The following OLA1 variants were observed in gnomAD, a reference collection of about 807,000 sequenced individuals.
OLA1 encodes obg-like ATPase 1.
OLA1 carries 14 observed loss-of-function variants against 48.4 expected under a neutral mutation model. The ratio of observed to expected loss-of-function variants is 0.29; its 90% CI spans 0.19 to 0.45. The LOEUF (loss-of-function observed/expected upper bound fraction) is 0.45. Among genes scored for constraint, OLA1 ranks in the 20% least tolerant of loss-of-function variants. The pLI, the probability that OLA1 is intolerant of heterozygous loss-of-function variation, is 1.00. For missense variants in OLA1, 325 were observed against 467.1 expected (o/e 0.70, Z 2.80); for synonymous variants, 127 against 150.4 (o/e 0.84, Z 1.14).
At chr2:174,238,783 C>CA (rs1688925771) in intron 2 of OLA1, among the ~76,000 whole-genome samples, 1 of 151,972 alleles carries the variant, frequency 6.6e-6, no homozygotes, top group African/African-American at 2.4e-5. Context: ...CTGAAGCAGA[C>CA]AGAGTACAAA....
intron 4 of OLA1, among the ~76,000 whole-genome samples, chr2:174,150,834 A>G (rs1686728197): frequency 6.6e-6 from 1 of 152,256 alleles, no homozygotes; most frequent in Non-Finnish European, 1.5e-5. Context: ...AAGGGAGAGC[A>G]ATATTCACTA....
intron 4 of OLA1, among the ~76,000 whole-genome samples, chr2:174,164,689 C>A (rs997216085): frequency 3.9e-5 from 6 of 152,116 alleles, no homozygotes; most frequent in African/African-American, 1.4e-4. Context: ...ATAACAATTT[C>A]AAGTTTATCA....
chr2:174,112,160 C>A (rs1476853021), intron 7 of OLA1, among the ~76,000 whole-genome samples: 2 of 152,122 alleles, frequency 1.3e-5, no homozygotes, highest in East Asian at 1.9e-4. Flanking sequence ...ATTTCTCAGG[C>A]CTTGTCTACC....
intron 5 of OLA1, among the ~76,000 whole-genome samples, chr2:174,130,740 G>GA (rs1686161636): frequency 6.6e-6 from 1 of 152,176 alleles, no homozygotes; most frequent in East Asian, 1.9e-4. Flanking sequence ...TAGAGTCATA[G>GA]AAAAAACACA....
intron 7 of OLA1, among the ~76,000 whole-genome samples, chr2:174,111,606 C>T (rs543512986): frequency 2.0e-4 from 31 of 152,234 alleles, no homozygotes; most frequent in East Asian, 1.3e-3. Context: ...TATACATATA[C>T]GTATACAATG....
chr2:174,170,232 C>G (rs1228752380), intron 4 of OLA1, among the ~76,000 whole-genome samples: 2 of 150,092 alleles, frequency 1.3e-5, no homozygotes, highest in East Asian at 1.9e-4. Context: ...GACTCCGTCT[C>G]AAAAAGAAAG....
chr2:174,174,003 C>A (rs73035745), intron 4 of OLA1, among the ~76,000 whole-genome samples: 22,339 of 143,378 alleles, frequency 0.16, 2,963 homozygotes, highest in African/African-American at 0.37. Context: ...GAAATAAAAA[C>A]CTTCCCATAC....
intron 2 of OLA1, among the ~76,000 whole-genome samples, chr2:174,234,070 C>A (rs575119793): frequency 6.6e-6 from 1 of 152,166 alleles, no homozygotes; most frequent in South Asian, 2.1e-4. Flanking sequence ...CTTCCACTTC[C>A]TCTCTATCTT....
At chr2:174,202,623 A>T (rs1363531219) in intron 4 of OLA1, among the ~76,000 whole-genome samples, 3 of 152,172 alleles carry the variant, frequency 2.0e-5, no homozygotes, top group Non-Finnish European at 4.4e-5. Flanking sequence ...GTTGAATTGG[A>T]CCACAGATTA....
At chr2:174,166,755 T>C (rs1189052471) in intron 4 of OLA1, among the ~76,000 whole-genome samples, 3 of 152,194 alleles carry the variant, frequency 2.0e-5, no homozygotes, top group South Asian at 2.1e-4. Flanking sequence ...CTTTAAAGTA[T>C]GGGGGCACAA....
chr2:174,228,875 C>T (rs1574566743), intron 3 of OLA1, among the ~76,000 whole-genome samples: 2 of 152,286 alleles, frequency 1.3e-5, no homozygotes, highest in African/African-American at 4.8e-5. Flanking sequence ...TCTCCATACT[C>T]TGCATTACTT....
intron 4 of OLA1, among the ~76,000 whole-genome samples, chr2:174,177,953 CA>C (rs1299503548): frequency 2.0e-5 from 3 of 151,622 alleles, no homozygotes; most frequent in East Asian, 1.9e-4. Context: ...GAATAGATCT[CA>C]AAAAAAACTT....
At chr2:174,148,531 T>C (rs1686668781) in intron 4 of OLA1, among the ~76,000 whole-genome samples, 1 of 152,200 alleles carries the variant, frequency 6.6e-6, no homozygotes, top group South Asian at 2.1e-4. Flanking sequence ...AAATTAACCA[T>C]AATAGGCTTA....
At chr2:174,105,388 CT>C (rs1685490990) in intron 7 of OLA1, among the ~76,000 whole-genome samples, 1 of 151,896 alleles carries the variant, frequency 6.6e-6, no homozygotes, top group Non-Finnish European at 1.5e-5. Context: ...AGAAAATGTA[CT>C]TTGTAGAATT....
intron 7 of OLA1, among the ~76,000 whole-genome samples, chr2:174,100,374 T>A (rs984600781): frequency 6.6e-6 from 1 of 152,146 alleles, no homozygotes; most frequent in African/African-American, 2.4e-5. Context: ...GTATGTATAT[T>A]TATATATACC....
rs759493394 is a variant in OLA1 at position 174,229,351 on chromosome 2, C to T, written c.202G>A (p.Asp68Asn). ...TGACAAAGAAAGTCAAACCTTTCATCTGGCACAGGTACTCTGCTCTCATTA... is the reference window on the plus strand; with the variant it reads ...TGACAAAGAAAGTCAAACCTTTCATTTGGCACAGGTACTCTGCTCTCATTA... Reference protein sequence around the residue: ...DPNESRVPVPDERFDFLCQYH... With the variant: ...DPNESRVPVPNERFDFLCQYH... The change falls in exon 3 of 11, where the codon GAT becomes AAT. Residue 68 changes from aspartate (D) to asparagine (N), a missense_variant. Asp to Asn is a conservative substitution (Grantham distance 23). Coordinates refer to ENST00000284719, the MANE Select transcript of OLA1 (RefSeq NM_013341.5). 5.6e-6 allele frequency: 9 copies of T among 1,612,698 alleles called. No homozygotes were observed. The highest frequency in any genetic ancestry group is 6.8e-6 in the Non-Finnish European group (8 of 1,179,924).
intron 4 of OLA1, among the ~76,000 whole-genome samples, chr2:174,174,647 A>G (rs1169115914): frequency 6.6e-6 from 1 of 152,066 alleles, no homozygotes; most frequent in Non-Finnish European, 1.5e-5. Context: ...CCTATAAAAT[A>G]CTGTTGAGAA....
At chr2:174,176,043 A>G (rs1275580391) in intron 4 of OLA1, among the ~76,000 whole-genome samples, 1 of 152,094 alleles carries the variant, frequency 6.6e-6, no homozygotes, top group East Asian at 1.9e-4. Flanking sequence ...GGAGAGGATC[A>G]ACTGCAAAAG....
At chr2:174,233,829 T>G (rs567715135) in intron 2 of OLA1, among the ~76,000 whole-genome samples, 5 of 152,260 alleles carry the variant, frequency 3.3e-5, no homozygotes, top group Admixed American at 1.3e-4. Flanking sequence ...TTGGAGGAGA[T>G]AGGAGACATG....
Sources: gnomAD v4.1 joint callset for allele counts (sites outside exome capture counted in the v4.1 genomes callset) on GRCh38, gnomAD v4.1.1 for gene constraint, MANE v1.5 for transcripts, NCBI Gene and HGNC (gene_info 2026-07-23, HGNC 2026-07-21) for gene names.